The following CR1L variants were observed in gnomAD, a reference collection of about 807,000 sequenced individuals.
CR1L encodes complement component receptor 1-like protein.
CR1L carries 59 observed loss-of-function variants against 62.3 expected under a neutral mutation model. That is an observed-to-expected ratio of 0.95 (90% CI 0.77 to 1.18). CR1L has a LOEUF of 1.18. Ranked by LOEUF, CR1L falls within the 50% of genes most tolerant of loss-of-function variation. The pLI, the probability that CR1L is intolerant of heterozygous loss-of-function variation, is 0.00. For synonymous variants in CR1L, 279 were observed against 248.7 expected, an observed-to-expected ratio of 1.12 and a Z score of -1.15; for missense variants, 700 against 702.8, an observed-to-expected ratio of 1.00 and a Z score of 0.04.
intron 10 of CR1L, chr1:207,715,350 T>C (rs1653969606): frequency 6.3e-7 from 1 of 1,599,650 alleles, no homozygotes. Flanking sequence ...CATTGTGTCT[T>C]GGCTGGAATG....
chr1:207,694,892 C>T (rs1571524853), intron 5 of CR1L, 141 bp downstream of exon 5: 5 of 1,473,514 alleles, frequency 3.4e-6, no homozygotes, highest in East Asian at 4.8e-5. Context: ...ACATGAAATT[C>T]AGAAGGTGTG....
In CR1L at chr1:207,717,720, T is replaced by C. The variant is rs771474855; in HGVS notation, c.1642+29T>C. 18 of 1,611,836 alleles carry C rather than the reference T, an allele frequency of 1.1e-5. 1 individual carries two copies. The Admixed American group carries it at 2.8e-4, about 25-fold the overall frequency. On this transcript the variant is annotated intron_variant, in intron 11 of 11. Transcript: ENST00000508064. ...AGTATCCGCTTCCACATATCCTAAA[T>C]GGGTTCAGAATATGTAGGTGAGAAC... is the stretch of plus-strand genomic sequence containing the variant.
At chr1:207,673,183 G>A (rs545830141) in intron 1 of CR1L, among the ~76,000 whole-genome samples, 1 of 152,306 alleles carries the variant, frequency 6.6e-6, no homozygotes, top group East Asian at 1.9e-4. Flanking sequence ...GTGACCAGAG[G>A]AACTCACTGT....
intron 3 of CR1L, among the ~76,000 whole-genome samples, chr1:207,682,077 A>G (rs1437094451): frequency 6.6e-6 from 1 of 152,164 alleles, no homozygotes; most frequent in Non-Finnish European, 1.5e-5. Context: ...GCAAACCGCC[A>G]TGGCACATGT....
chr1:207,675,788 T>A (rs1200075867), intron 1 of CR1L, among the ~76,000 whole-genome samples: 3 of 152,230 alleles, frequency 2.0e-5, no homozygotes, highest in Non-Finnish European at 2.9e-5. Flanking sequence ...ACTGTTTGAC[T>A]CTGTGATTTT....
chr1:207,687,535 G>A (rs1482909169), intron 4 of CR1L, among the ~76,000 whole-genome samples: 5 of 152,090 alleles, frequency 3.3e-5, no homozygotes, highest in South Asian at 2.1e-4. Flanking sequence ...CAAAGTAACC[G>A]CTATTCTGAT....
chr1:207,677,427 C>G lies in CR1L; in HGVS notation c.136C>G (p.Pro46Ala). 1 of 1,613,222 alleles carries G rather than the reference C, an allele frequency of 6.2e-7. No individual in the cohort carries two copies. The highest frequency in any genetic ancestry group is 8.5e-7 in the Non-Finnish European group (1 of 1,179,634). The change falls in exon 2 of 12, where the codon CCT becomes GCT. Residue 46 changes from proline (P) to alanine (A), a missense_variant. Coordinates refer to ENST00000508064, the MANE Select transcript of CR1L (RefSeq NM_175710.2). ...CCCGGAATGGCTTCCATTTGCCAGGCCTACCAACCTAACTGATGACTTTGA... is the reference window on the plus strand; with the variant it reads ...CCCGGAATGGCTTCCATTTGCCAGGGCTACCAACCTAACTGATGACTTTGA... The part of the protein sequence containing the change: ...NVPEWLPFAR[P>A]TNLTDDFEFP...
intron 1 of CR1L, among the ~76,000 whole-genome samples, chr1:207,670,232 A>C (rs1172082894): frequency 6.6e-6 from 1 of 151,044 alleles, no homozygotes. Context: ...ATCATGATGC[A>C]CTTGATTGAC....
At chr1:207,692,229 T>C (rs530405116) in intron 4 of CR1L, among the ~76,000 whole-genome samples, 1 of 152,396 alleles carries the variant, frequency 6.6e-6, no homozygotes, top group African/African-American at 2.4e-5. Context: ...ACATATGTTA[T>C]ATATTTCAAA....
At chr1:207,672,696 A>G (rs1663631194) in intron 1 of CR1L, among the ~76,000 whole-genome samples, 1 of 152,060 alleles carries the variant, frequency 6.6e-6, no homozygotes, top group Non-Finnish European at 1.5e-5. Flanking sequence ...TTTACCAGGG[A>G]GTGTTTAACA....
intron 1 of CR1L, chr1:207,669,543 G>T: frequency 6.4e-7 from 1 of 1,570,230 alleles, no homozygotes; most frequent in Non-Finnish European, 8.6e-7. Context: ...TCGTGGTGCT[G>T]CTCGCGCTGC....
chr1:207,714,242 G>C (rs1186419425), intron 10 of CR1L, among the ~76,000 whole-genome samples: 1 of 152,226 alleles, frequency 6.6e-6, no homozygotes, highest in African/African-American at 2.4e-5. Context: ...AGAATTGGAA[G>C]TGTGTGTTAA....
At chr1:207,701,689 G>T in intron 9 of CR1L, 71 bp downstream of exon 9, 1 of 1,600,568 alleles carries the variant, frequency 6.2e-7, no homozygotes, top group Non-Finnish European at 8.6e-7. Flanking sequence ...CCACATCTCA[G>T]GAAGGAAACT....
intron 1 of CR1L, among the ~76,000 whole-genome samples, chr1:207,668,503 C>T (rs973977535): frequency 6.6e-6 from 1 of 150,784 alleles, no homozygotes; most frequent in Non-Finnish European, 1.5e-5. Flanking sequence ...TACTGGTTAC[C>T]AGAGGTTGGG....
chr1:207,710,818 A>T, intron 10 of CR1L: 6 of 1,499,794 alleles, frequency 4.0e-6, no homozygotes, highest in Non-Finnish European at 5.6e-6. Flanking sequence ...GGGCCCTGCA[A>T]GTGACATGCA....
intron 10 of CR1L, among the ~76,000 whole-genome samples, chr1:207,714,879 C>T (rs1571537612): frequency 6.6e-6 from 1 of 152,152 alleles, no homozygotes; most frequent in African/African-American, 2.4e-5. Flanking sequence ...ATATTCCTGG[C>T]TTTGCTTACC....
At chr1:207,650,699 A>G (rs1333212533) in intron 1 of CR1L, among the ~76,000 whole-genome samples, 2 of 152,290 alleles carry the variant, frequency 1.3e-5, no homozygotes, top group East Asian at 3.9e-4. Flanking sequence ...TAATCTGGGC[A>G]GGGCTGTGGG....
At chr1:207,700,393 C>G (rs1571528231) in intron 8 of CR1L, among the ~76,000 whole-genome samples, 1 of 152,290 alleles carries the variant, frequency 6.6e-6, no homozygotes, top group Non-Finnish European at 1.5e-5. Flanking sequence ...TTTTTCATAA[C>G]TCTGGTAGTT....
intron 1 of CR1L, among the ~76,000 whole-genome samples, chr1:207,648,657 C>A (rs186764500): frequency 6.6e-6 from 1 of 152,124 alleles, no homozygotes; most frequent in Non-Finnish European, 1.5e-5. Context: ...ACAAAACCCC[C>A]GATCTCCTGT....
Sources: allele counts gnomAD v4.1 joint callset (sites outside exome capture counted in the v4.1 genomes callset), GRCh38; gene constraint gnomAD v4.1.1; transcripts MANE v1.5; gene names NCBI Gene and HGNC (gene_info 2026-07-23, HGNC 2026-07-21).